CDC14A: variants seen among roughly 807,000 people sequenced by gnomAD.
CDC14A encodes cell division cycle 14A.
CDC14A carries 53 observed loss-of-function variants against 74.4 expected under a neutral mutation model. That is an observed-to-expected ratio of 0.71 (90% CI 0.57 to 0.89). The LOEUF (loss-of-function observed/expected upper bound fraction) is 0.89, where lower values mean the gene tolerates loss of function less well. Among genes scored for constraint, CDC14A ranks in the 40% least tolerant of loss-of-function variants. The pLI is 0.00. For missense variants in CDC14A, 646 were observed against 713.7 expected (o/e 0.91, Z 1.08); for synonymous variants, 247 against 258.4 (o/e 0.96, Z 0.43).
Position 100,519,589 on chromosome 1 carries a change from G to A in CDC14A, c.*1309G>A, listed in dbSNP as rs1650525252. ...ATTTATAATGTATTTATTAGGGGAG[G>A]GTACCTTGAGTCTATTATATATGCT... is the stretch of plus-strand genomic sequence containing the variant. On this transcript the variant is annotated 3_prime_UTR_variant, in exon 16 of 16. Coordinates refer to ENST00000336454, the MANE Select transcript of CDC14A (RefSeq NM_003672.4). 1 of 152,282 alleles carries A rather than the reference G, an allele frequency of 6.6e-6. No individual in the cohort carries two copies. The highest frequency in any genetic ancestry group is 1.5e-5 in the Non-Finnish European group (1 of 67,936). The allele number at this position is 152,282 out of a possible 1,614,324, so 9.4% of individuals were successfully genotyped here.
chr1:100,424,358 A>C (rs1433714671), intron 5 of CDC14A, 57 bp downstream of exon 5: 6 of 1,204,380 alleles, frequency 5.0e-6, no homozygotes, highest in Non-Finnish European at 7.4e-6. Flanking sequence ...GACACTTTAG[A>C]GTTGGGTTGT....
At chr1:100,412,737 A>AAAAAAC (rs1660985246) in intron 4 of CDC14A, among the ~76,000 whole-genome samples, 1 of 100,718 alleles carries the variant, frequency 9.9e-6, no homozygotes, top group Non-Finnish European at 1.8e-5. Flanking sequence ...ATATATATAT[A>AAAAAAC]TTTTATATAT....
At chr1:100,471,924 T>G (rs778514655) in intron 10 of CDC14A, among the ~76,000 whole-genome samples, 14 of 152,174 alleles carry the variant, frequency 9.2e-5, no homozygotes, top group Non-Finnish European at 1.9e-4. Context: ...ATTCATACTT[T>G]GAAGTTAACA....
intron 6 of CDC14A, among the ~76,000 whole-genome samples, chr1:100,442,128 T>C (rs1664994179): frequency 6.6e-6 from 1 of 150,850 alleles, no homozygotes; most frequent in Non-Finnish European, 1.5e-5. Context: ...CAAAACTGAG[T>C]ATGACTTTTA....
chr1:100,401,681 T>C (rs1571074453), intron 4 of CDC14A, among the ~76,000 whole-genome samples: 1 of 152,230 alleles, frequency 6.6e-6, no homozygotes, highest in Admixed American at 6.5e-5. Flanking sequence ...AAGTATTTGC[T>C]ACTAAGTGTC....
At chr1:100,469,188 A>T (rs1376442149) in intron 10 of CDC14A, among the ~76,000 whole-genome samples, 1 of 152,224 alleles carries the variant, frequency 6.6e-6, no homozygotes, top group Admixed American at 6.5e-5. Flanking sequence ...CATGAATTTC[A>T]TAGGAAGATG....
At chr1:100,444,755 AT>A (rs577688329) in intron 7 of CDC14A, among the ~76,000 whole-genome samples, 247 of 152,216 alleles carry the variant, frequency 1.6e-3, no homozygotes, top group African/African-American at 5.6e-3. Context: ...CATTTTTCTT[AT>A]ATCATGGCTA....
intron 2 of CDC14A, among the ~76,000 whole-genome samples, chr1:100,354,663 T>C (rs1047362204): frequency 2.0e-5 from 3 of 152,258 alleles, no homozygotes; most frequent in South Asian, 2.1e-4. Context: ...GAAGGCTGAA[T>C]TGACTTGGTT....
At chr1:100,509,983 C>G (rs574796843) in intron 15 of CDC14A, among the ~76,000 whole-genome samples, 9 of 152,222 alleles carry the variant, frequency 5.9e-5, no homozygotes, top group Admixed American at 4.6e-4. Flanking sequence ...TACTTACTCT[C>G]TGGTAGCTCC....
In CDC14A at chr1:100,424,285, C is replaced by G. The variant is rs541334140; in HGVS notation, c.373C>G (p.Pro125Ala). ...AGCACTCCTGTCTGGCTCAAACCCC[C>G]CCTATCTTCCATTCAGGTATAACTC... ...YRALLSGSNP[P>A]YLPFRDASFG... is the part of the protein sequence containing the mutation. The change falls in exon 5 of 16, where the codon CCC becomes GCC. Residue 125 changes from proline (P) to alanine (A), a missense_variant. Coordinates refer to ENST00000336454, the MANE Select transcript of CDC14A (RefSeq NM_003672.4). 6.8e-6 allele frequency: 11 copies of G among 1,613,260 alleles called. No homozygotes were observed. In the East Asian group the frequency reaches 2.2e-4, roughly 33 times the overall value.
chr1:100,499,724 T>C (rs1648487516), intron 15 of CDC14A, among the ~76,000 whole-genome samples: 1 of 152,178 alleles, frequency 6.6e-6, no homozygotes, highest in African/African-American at 2.4e-5. Flanking sequence ...TTTTGGAGTA[T>C]TGAAACGTGG....
At chr1:100,459,079 C>G (rs1007602054) in intron 8 of CDC14A, among the ~76,000 whole-genome samples, 1 of 111,644 alleles carries the variant, frequency 9.0e-6, no homozygotes, top group Non-Finnish European at 1.8e-5. Flanking sequence ...ATTCTCACTT[C>G]TATTTAAACA....
At chr1:100,421,522 T>C (rs1411982212) in intron 4 of CDC14A, among the ~76,000 whole-genome samples, 1 of 152,200 alleles carries the variant, frequency 6.6e-6, no homozygotes, top group Non-Finnish European at 1.5e-5. Flanking sequence ...AAGTTCCTCT[T>C]TCTCCTTCTG....
chr1:100,352,237 G>T (rs1294137316), upstream of CDC14A, among the ~76,000 whole-genome samples: 1 of 152,174 alleles, frequency 6.6e-6, no homozygotes, highest in Admixed American at 6.5e-5. Flanking sequence ...GGCCCCGCCC[G>T]CTCCCCTGGG....
At chr1:100,434,726 G>A (rs764538518) in intron 5 of CDC14A, among the ~76,000 whole-genome samples, 1 of 152,108 alleles carries the variant, frequency 6.6e-6, no homozygotes, top group Non-Finnish European at 1.5e-5. Context: ...CTGGATTATC[G>A]TTGCAGTTGT....
At chr1:100,412,723 T>TATATATTTATATATATATATATA (rs1491148182) in intron 4 of CDC14A, among the ~76,000 whole-genome samples, 2 of 83,762 alleles carry the variant, frequency 2.4e-5, no homozygotes, top group African/African-American at 2.0e-4. Context: ...TATATATATA[T>TATATATTTATATATATATATATA]TTTATATATA....
In CDC14A at chr1:100,518,251, TC is replaced by T; in HGVS notation, c.1759del (p.Leu587PhefsTer15). The T allele has an allele frequency of 6.2e-7, 1 of 1,611,050 alleles. No individual in the cohort carries two copies. The highest frequency in any genetic ancestry group is 8.5e-7 in the Non-Finnish European group (1 of 1,177,538). On this transcript the variant is annotated frameshift_variant and splice_region_variant, in exon 16 of 16. Transcript: ENST00000336454. LOFTEE classifies it high-confidence loss of function. The stretch of plus-strand genomic sequence containing the variant: ...TCAGTTTATGTCTCTCCCTGCACAG[TC>T]CCTTCAGTCTGAATATGTTCATTAC... ...SARFLSRSIP[S>X]LQSEYVHY is the part of the protein sequence containing the mutation.
intron 4 of CDC14A, among the ~76,000 whole-genome samples, chr1:100,400,434 T>C (rs1240620374): frequency 6.6e-6 from 1 of 152,206 alleles, no homozygotes; most frequent in Non-Finnish European, 1.5e-5. Context: ...CAGCTACTAG[T>C]GTTCTGTCAT....
rs538737939 is a variant in CDC14A, at chr1:100,391,532, G to A, written c.309+708G>A. Among the ~76,000 whole-genome samples, 57 of 152,296 alleles carry A rather than the reference G, an allele frequency of 3.7e-4. 1 individual carries two copies. The highest frequency in any genetic ancestry group is 1.3e-3 in the African/African-American group (56 of 41,562). On this transcript the variant is annotated intron_variant, in intron 4 of 15. Coordinates refer to ENST00000336454, the MANE Select transcript of CDC14A (RefSeq NM_003672.4). ...ATCAGAGCTAAAACATACTTGCAGG[G>A]ATATGTGTGATATCAGCTGGGAATA...
Sources: gnomAD v4.1 joint callset for allele counts (sites outside exome capture counted in the v4.1 genomes callset) on GRCh38, gnomAD v4.1.1 for gene constraint, MANE v1.5 for transcripts, NCBI Gene and HGNC (gene_info 2026-07-23, HGNC 2026-07-21) for gene names.